The following MAGI3 variants were observed in gnomAD, a reference collection of about 807,000 sequenced individuals.
MAGI3 encodes the protein membrane-associated guanylate kinase, WW and PDZ domain-containing protein 3.
A neutral mutation model predicts 121.8 loss-of-function variants in MAGI3; 43 were observed. The observed-to-expected ratio is 0.35, with a 90% CI of 0.28 to 0.46. The LOEUF (loss-of-function observed/expected upper bound fraction) is 0.46. Ranked by LOEUF, MAGI3 falls within the 20% of genes least tolerant of loss-of-function variation. The pLI is 1.00. For synonymous variants in MAGI3, 553 were observed against 639.3 expected, an observed-to-expected ratio of 0.86 and a Z score of 2.04; for missense variants, 1,547 against 1,797.3, an observed-to-expected ratio of 0.86 and a Z score of 2.52.
At chr1:113,623,204 A>G (rs1175778842) in intron 9 of MAGI3, among the ~76,000 whole-genome samples, 1 of 152,052 alleles carries the variant, frequency 6.6e-6, no homozygotes, top group Non-Finnish European at 1.5e-5. Flanking sequence ...ATGAGATATT[A>G]TACTATGATA....
At chr1:113,610,080 T>G (rs114582383) in intron 6 of MAGI3, among the ~76,000 whole-genome samples, 2,473 of 152,264 alleles carry the variant, frequency 0.016, 78 homozygotes, top group African/African-American at 0.056. Context: ...TATAGACTCT[T>G]TTTAGCCCTT....
chr1:113,411,621 T>C (rs1191415940), intron 1 of MAGI3, among the ~76,000 whole-genome samples: 2 of 152,068 alleles, frequency 1.3e-5, no homozygotes, highest in Non-Finnish European at 2.9e-5. Context: ...AAGCTACACA[T>C]TTTGCTGGAA....
intron 1 of MAGI3, among the ~76,000 whole-genome samples, chr1:113,536,112 C>T (rs1239517449): frequency 6.7e-6 from 1 of 149,840 alleles, no homozygotes. Flanking sequence ...AGAGCCTGTT[C>T]TTAAGCTGTC....
chr1:113,618,836 A>G (rs1238894699), intron 7 of MAGI3, among the ~76,000 whole-genome samples: 1 of 152,186 alleles, frequency 6.6e-6, no homozygotes, highest in African/African-American at 2.4e-5. Flanking sequence ...AAACTGTAGC[A>G]TATGCTGAAA....
rs574701026 is a variant in MAGI3 at position 113,684,624 on chromosome 1, T to C, written c.*610T>C. On this transcript the variant is annotated 3_prime_UTR_variant, in exon 21 of 21. Coordinates refer to ENST00000307546, the MANE Select transcript of MAGI3 (RefSeq NM_001142782.2). ...AGGAAAAAAAAAATGTAGTCCAATA[T>C]TGATGCTTTCTTATGGCTTTTTATT... 6.6e-5 allele frequency: 10 copies of C among 152,464 alleles called. No homozygotes were observed. The highest frequency in any genetic ancestry group is 1.5e-4 in the Non-Finnish European group (10 of 68,020). 9.4% of individuals were successfully genotyped at this position (152,464 alleles called of 1,614,324 possible).
rs1466504653 is a variant in MAGI3, at chr1:113,546,326, A to G, written c.317-3189A>G. Among the ~76,000 whole-genome samples the G allele has an allele frequency of 2.6e-5, 4 of 152,152 alleles. No homozygotes were observed. The East Asian group carries it at 7.7e-4, about 29-fold the overall frequency. Reference sequence around the variant, plus strand: ...GAATACTTGCAGATGTTTACATAAAATATCACATTTATTTATTTGCTTATT... The same window carrying G: ...GAATACTTGCAGATGTTTACATAAAGTATCACATTTATTTATTTGCTTATT... On this transcript the variant is annotated intron_variant, in intron 1 of 20. Transcript: ENST00000307546.
At position 113,646,584 on chromosome 1, in the gene MAGI3, C is replaced by A; in HGVS notation, c.2097C>A (p.Ser699=). 6.2e-7 allele frequency: 1 copy of A among 1,612,966 alleles called. No individual in the cohort carries two copies. Among genetic ancestry groups the A allele is most frequent in the Non-Finnish European group, 8.5e-7 (1 of 1,179,340 alleles). Residue 699 remains serine (S), a synonymous_variant, in exon 12 of 21, where the codon TCC becomes TCA. Coordinates refer to ENST00000307546, the MANE Select transcript of MAGI3 (RefSeq NM_001142782.2). ...PFPPSIIRSG[S]PKLDPSEVYL... ...CACCGAGCATTATCAGGTCAGGATC[C>A]CCAAAATTGGATCCTTCTGAGGTCT...
At chr1:113,468,824 C>T (rs1655412399) in intron 1 of MAGI3, among the ~76,000 whole-genome samples, 1 of 152,064 alleles carries the variant, frequency 6.6e-6, no homozygotes, top group East Asian at 1.9e-4. Context: ...ACATGTGGCT[C>T]ACATTTGTAG....
intron 1 of MAGI3, among the ~76,000 whole-genome samples, chr1:113,437,937 CCTTCTCCTTCTCCTTCTT>C (rs1427358475): frequency 8.6e-5 from 11 of 127,224 alleles, no homozygotes; most frequent in African/African-American, 3.3e-4. Flanking sequence ...TTCTCCTTCT[CCTTCTCCTTCTCCTTCTT>C]CTTTTCTTTT....
At chr1:113,513,976 A>G (rs1460691617) in intron 1 of MAGI3, among the ~76,000 whole-genome samples, 1 of 152,074 alleles carries the variant, frequency 6.6e-6, no homozygotes, top group African/African-American at 2.4e-5. Context: ...ACATGAACAG[A>G]CACTTCTCAA....
chr1:113,465,785 T>A (rs951229671), intron 1 of MAGI3, among the ~76,000 whole-genome samples: 2 of 152,186 alleles, frequency 1.3e-5, no homozygotes, highest in African/African-American at 4.8e-5. Context: ...CTTTCTTGAT[T>A]TCTTTTTCAC....
At chr1:113,399,421 G>A (rs12117465) in intron 1 of MAGI3, among the ~76,000 whole-genome samples, 9,445 of 152,074 alleles carry the variant, frequency 0.062, 318 homozygotes, top group Non-Finnish European at 0.074. Context: ...GTGGGATGCC[G>A]AGGAATCAAT....
chr1:113,564,534 A>G (rs2101692900), intron 2 of MAGI3, among the ~76,000 whole-genome samples: 1 of 152,286 alleles, frequency 6.6e-6, no homozygotes, highest in Admixed American at 6.5e-5. Context: ...ACTATTTTTC[A>G]ATGATCTCTA....
intron 16 of MAGI3, among the ~76,000 whole-genome samples, chr1:113,660,205 C>T (rs537740599): frequency 3.3e-5 from 5 of 152,256 alleles, no homozygotes; most frequent in East Asian, 1.9e-4. Flanking sequence ...TTCACTGCTC[C>T]CTTAGGCCCT....
At chr1:113,467,088 C>A (rs910020670) in intron 1 of MAGI3, among the ~76,000 whole-genome samples, 29 of 151,954 alleles carry the variant, frequency 1.9e-4, no homozygotes, top group African/African-American at 6.8e-4. Flanking sequence ...TTGCTATAAA[C>A]TTCCCTCTTA....
At chr1:113,571,853 A>C (rs1647313299) in intron 2 of MAGI3, among the ~76,000 whole-genome samples, 1 of 152,178 alleles carries the variant, frequency 6.6e-6, no homozygotes, top group African/African-American at 2.4e-5. Flanking sequence ...AGAAAAATTG[A>C]CTTCCTCTCT....
Position 113,659,437 on chromosome 1 carries a change from T to G in MAGI3, c.2815+172T>G, listed in dbSNP as rs1653665951. ...TTTAATGAACTTAAAAAACAACTTA[T>G]TATAAAGTTGTCAGCAGCTCAAGAA... On this transcript the variant is annotated intron_variant, in intron 16 of 20. Transcript: ENST00000307546. Among the ~76,000 whole-genome samples, 3 of 152,184 alleles carry G rather than the reference T, an allele frequency of 2.0e-5. No individual in the cohort carries two copies. In the South Asian group the frequency reaches 6.2e-4, roughly 32 times the overall value.
rs1317318912 is a variant in MAGI3 at position 113,629,755 on chromosome 1, T to TCC, written c.1360+6762_1360+6763insCC. ...CTCTCTCTCTCTCTCTCTCTCTCTC[T>TCC]CTCTCTCCCTCCCTCCCTCCCTCCC... On this transcript the variant is annotated intron_variant, in intron 9 of 20. Coordinates refer to ENST00000307546, the MANE Select transcript of MAGI3 (RefSeq NM_001142782.2). 2.7e-3 allele frequency among the ~76,000 whole-genome samples: 293 copies of TCC among 107,628 alleles called. 1 individual carries two copies. The highest frequency in any genetic ancestry group is 9.3e-3 in the African/African-American group (244 of 26,222). 70.6% of individuals were successfully genotyped at this position (107,628 alleles called of 152,430 possible). A position where few individuals can be genotyped will look rare whatever the true frequency, so the allele number is the denominator to read the frequency against.
At chr1:113,462,580 C>T (rs563568339) in intron 1 of MAGI3, among the ~76,000 whole-genome samples, 33 of 152,098 alleles carry the variant, frequency 2.2e-4, no homozygotes, top group African/African-American at 6.3e-4. Flanking sequence ...GAGCAAGAGG[C>T]GCAGAAAATA....
Sources: gnomAD v4.1 joint callset for allele counts (sites outside exome capture counted in the v4.1 genomes callset) on GRCh38, gnomAD v4.1.1 for gene constraint, MANE v1.5 for transcripts, NCBI Gene and HGNC (gene_info 2026-07-23, HGNC 2026-07-21) for gene names.